LHFPL6: variants seen among roughly 807,000 people sequenced by gnomAD.
LHFPL6 encodes the protein LHFPL tetraspan subfamily member 6 protein.
A neutral mutation model predicts 20.6 loss-of-function variants in LHFPL6; 9 were observed. That is an observed-to-expected ratio of 0.44 (90% CI 0.26 to 0.76). LHFPL6 has a LOEUF of 0.76. Ranked by LOEUF, LHFPL6 falls within the 30% of genes least tolerant of loss-of-function variation. The probability of loss-of-function intolerance (pLI) is 0.20; values close to 1 mark genes in which losing one functional copy is unlikely to be tolerated. For synonymous variants in LHFPL6, 105 were observed against 98.7 expected, an observed-to-expected ratio of 1.06 and a Z score of -0.38; for missense variants, 218 against 253.5, an observed-to-expected ratio of 0.86 and a Z score of 0.95.
At chr13:39,455,360 C>T (rs1246528582) in intron 2 of LHFPL6, among the ~76,000 whole-genome samples, 1 of 152,136 alleles carries the variant, frequency 6.6e-6, no homozygotes, top group East Asian at 1.9e-4. Flanking sequence ...AATTTCACAG[C>T]ATGCTCTGAA....
chr13:39,586,013 C>T (rs573474864), intron 2 of LHFPL6, among the ~76,000 whole-genome samples: 1 of 152,158 alleles, frequency 6.6e-6, no homozygotes, highest in South Asian at 2.1e-4. Flanking sequence ...CACCCCATAC[C>T]TTGTGGTAAA....
rs552047353 is a variant in LHFPL6 at position 39,364,487 on chromosome 13, T to C, written c.484+13941A>G. Among the ~76,000 whole-genome samples the C allele has an allele frequency of 2.6e-5, 4 of 152,298 alleles. No homozygotes were observed. In the East Asian group the frequency reaches 7.7e-4, roughly 29 times the overall value. On this transcript the variant is annotated intron_variant, in intron 3 of 3. Transcript: ENST00000379589. The stretch of plus-strand genomic sequence containing the variant: ...TGGCAGATGCTCTGCCTATTTAGCA[T>C]TCCCCCAATGCAGAGAAATGGCAAA...
At chr13:39,591,334 A>G (rs940039240) in intron 2 of LHFPL6, among the ~76,000 whole-genome samples, 1 of 152,230 alleles carries the variant, frequency 6.6e-6, no homozygotes, top group Non-Finnish European at 1.5e-5. Flanking sequence ...CTGGAGTCAT[A>G]CATCAAAATA....
intron 2 of LHFPL6, among the ~76,000 whole-genome samples, chr13:39,552,398 T>C (rs1871165764): frequency 1.3e-5 from 2 of 152,044 alleles, no homozygotes; most frequent in South Asian, 4.1e-4. Context: ...ACATAAACCA[T>C]TGTTGGACAG....
At chr13:39,587,300 A>G (rs1415705343) in intron 2 of LHFPL6, among the ~76,000 whole-genome samples, 1 of 152,096 alleles carries the variant, frequency 6.6e-6, no homozygotes, top group Non-Finnish European at 1.5e-5. Context: ...CTGAACTCCC[A>G]TCAGATCTCT....
At chr13:39,530,503 T>C (rs1870433099) in intron 2 of LHFPL6, among the ~76,000 whole-genome samples, 1 of 152,016 alleles carries the variant, frequency 6.6e-6, no homozygotes, top group Non-Finnish European at 1.5e-5. Flanking sequence ...GTAAACAAGA[T>C]CAGTGTCATC....
chr13:39,387,446 C>A (rs1418295100), intron 2 of LHFPL6, among the ~76,000 whole-genome samples: 1 of 144,690 alleles, frequency 6.9e-6, no homozygotes, highest in East Asian at 2.1e-4. Flanking sequence ...ACTGAGGAAG[C>A]TGAGGCAGGA....
intron 2 of LHFPL6, among the ~76,000 whole-genome samples, chr13:39,600,046 G>A (rs1872885659): frequency 6.6e-6 from 1 of 152,168 alleles, no homozygotes; most frequent in Non-Finnish European, 1.5e-5. Flanking sequence ...AAGCACAGTG[G>A]AAAATACATA....
chr13:39,441,137 ATTTTTTTTTTTTTT>A (rs57695621), intron 2 of LHFPL6, among the ~76,000 whole-genome samples: 1 of 91,460 alleles, frequency 1.1e-5, no homozygotes, highest in Non-Finnish European at 2.1e-5. Context: ...ATGCCAACTA[ATTTTTTTTTTTTTT>A]TTTTTTTTTT....
chr13:39,602,227 C>T (rs1872975191), intron 1 of LHFPL6, among the ~76,000 whole-genome samples: 1 of 152,198 alleles, frequency 6.6e-6, no homozygotes, highest in Non-Finnish European at 1.5e-5. Context: ...CCATTTCTCA[C>T]ACTTTCCATA....
At chr13:39,534,333 A>G (rs539042300) in intron 2 of LHFPL6, among the ~76,000 whole-genome samples, 1 of 152,306 alleles carries the variant, frequency 6.6e-6, no homozygotes, top group South Asian at 2.1e-4. Flanking sequence ...ATTAAATAAA[A>G]TATGTAAGCC....
intron 2 of LHFPL6, among the ~76,000 whole-genome samples, chr13:39,534,428 C>T (rs535150914): frequency 9.7e-4 from 147 of 152,194 alleles, no homozygotes; most frequent in African/African-American, 3.2e-3. Context: ...ACACTAACAA[C>T]GGAAACTAGA....
chr13:39,507,319 C>T (rs548340136), intron 2 of LHFPL6, among the ~76,000 whole-genome samples: 27 of 152,282 alleles, frequency 1.8e-4, no homozygotes, highest in African/African-American at 6.3e-4. Flanking sequence ...AGGGAAGCTG[C>T]AGTGCATTTC....
rs1452289097 is a variant in LHFPL6, at chr13:39,422,600, A to AG, written c.386-44075_386-44074insC. Reference sequence around the variant, plus strand: ...AAACTCCAACTCAAAAAAAAAAAAAAAAAAGAAGAAGAAGAAGAAGAAAAC... The same window carrying AG: ...AAACTCCAACTCAAAAAAAAAAAAAAGAAAAGAAGAAGAAGAAGAAGAAAAC... On this transcript the variant is annotated intron_variant, in intron 2 of 3. Coordinates refer to ENST00000379589, the MANE Select transcript of LHFPL6 (RefSeq NM_005780.3). 3.5e-4 allele frequency among the ~76,000 whole-genome samples: 47 copies of AG among 135,208 alleles called. 1 individual carries two copies. Among genetic ancestry groups the AG allele is most frequent in the South Asian group, 1.9e-3 (8 of 4,204 alleles). The allele number at this position is 135,208 out of a possible 152,430, so 88.7% of individuals were successfully genotyped here. A position where few individuals can be genotyped will look rare whatever the true frequency, so the allele number is the denominator to read the frequency against.
intron 2 of LHFPL6, among the ~76,000 whole-genome samples, chr13:39,462,057 GGCTGACTATACT>G (rs909339575): frequency 6.6e-6 from 1 of 152,124 alleles, no homozygotes; most frequent in African/African-American, 2.4e-5. Context: ...GCAGAGGTGG[GGCTGACTATACT>G]GGGTCTCCTG....
chr13:39,352,821 T>TTA (rs10602396), intron 3 of LHFPL6, among the ~76,000 whole-genome samples: 7 of 103,374 alleles, frequency 6.8e-5, no homozygotes, highest in African/African-American at 2.1e-4. Context: ...GGGAAAACAT[T>TTA]TATATATATA....
chr13:39,601,102 C>T lies in LHFPL6; in HGVS notation c.115G>A (p.Gly39Ser). Residue 39 changes from glycine to serine, a missense_variant, in exon 2 of 4, where the codon GGC becomes AGC. Coordinates refer to ENST00000379589, the MANE Select transcript of LHFPL6 (RefSeq NM_005780.3). ...AAGGTACCGAAGGACACAGGCTTGCCCAGCTGTGATCCCCAGAGCCAGTAA... is the reference window on the plus strand; with the variant it reads ...AAGGTACCGAAGGACACAGGCTTGCTCAGCTGTGATCCCCAGAGCCAGTAA... ...MPYWLWGSQL[G>S]KPVSFGTFRR... 1 of 1,614,146 alleles carries T rather than the reference C, an allele frequency of 6.2e-7. No homozygotes were observed. The highest frequency in any genetic ancestry group is 8.5e-7 in the Non-Finnish European group (1 of 1,180,028).
At chr13:39,437,317 C>T (rs986450047) in intron 2 of LHFPL6, among the ~76,000 whole-genome samples, 2 of 152,122 alleles carry the variant, frequency 1.3e-5, no homozygotes, top group African/African-American at 4.8e-5. Context: ...GGCAGTTTCT[C>T]ATAAATGGTT....
At chr13:39,433,246 T>C (rs1264924217) in intron 2 of LHFPL6, among the ~76,000 whole-genome samples, 1 of 152,182 alleles carries the variant, frequency 6.6e-6, no homozygotes, top group Non-Finnish European at 1.5e-5. Flanking sequence ...CACCTAACTT[T>C]CACCATGATG....
Sources: allele counts gnomAD v4.1 joint callset (sites outside exome capture counted in the v4.1 genomes callset), GRCh38; gene constraint gnomAD v4.1.1; transcripts MANE v1.5; gene names NCBI Gene and HGNC (gene_info 2026-07-23, HGNC 2026-07-21).